The following WDPCP variants were observed in gnomAD, a reference collection of about 807,000 sequenced individuals.
The protein encoded by WDPCP is WD repeat-containing and planar cell polarity effector protein fritz homolog.
WDPCP carries 71 observed loss-of-function variants against 93.1 expected under a neutral mutation model. The ratio of observed to expected loss-of-function variants is 0.76; its 90% CI spans 0.63 to 0.93. The LOEUF (loss-of-function observed/expected upper bound fraction) is 0.93. Ranked by LOEUF, WDPCP falls within the 40% of genes least tolerant of loss-of-function variation. The probability of loss-of-function intolerance (pLI) is 0.00; values close to 1 mark genes in which losing one functional copy is unlikely to be tolerated. For missense variants in WDPCP, 844 were observed against 887.4 expected, an observed-to-expected ratio of 0.95 and a Z score of 0.62; for synonymous variants, 315 against 315.0, an observed-to-expected ratio of 1.00 and a Z score of 0.00.
chr2:63,448,735 T>C (rs760891291), intron 6 of WDPCP, among the ~76,000 whole-genome samples: 1 of 152,122 alleles, frequency 6.6e-6, no homozygotes, highest in Non-Finnish European at 1.5e-5. Flanking sequence ...CTGTGGGACA[T>C]TATGCTAAGG....
intron 13 of WDPCP, among the ~76,000 whole-genome samples, chr2:63,291,514 A>C (rs1380080772): frequency 6.6e-6 from 1 of 152,218 alleles, no homozygotes; most frequent in Non-Finnish European, 1.5e-5. Flanking sequence ...AGGGAAATGA[A>C]AAACAAAGAG....
chr2:63,262,006 A>G (rs1478741281), intron 13 of WDPCP, among the ~76,000 whole-genome samples: 1 of 152,208 alleles, frequency 6.6e-6, no homozygotes, highest in African/African-American at 2.4e-5. Flanking sequence ...GAATAGCATG[A>G]TACTTTCATA....
chr2:63,795,494 T>G (rs1337794400), intron 2 of WDPCP, among the ~76,000 whole-genome samples: 1 of 135,836 alleles, frequency 7.4e-6, no homozygotes, highest in East Asian at 2.1e-4. Flanking sequence ...AGTGAGACCC[T>G]GTCTCAAAAA....
intron 9 of WDPCP, among the ~76,000 whole-genome samples, chr2:63,422,718 C>T (rs1695959808): frequency 6.6e-6 from 1 of 152,140 alleles, no homozygotes. Flanking sequence ...TTATGTGCCT[C>T]CTGACGAAAG....
At chr2:63,400,974 T>C (rs1182369728) in intron 10 of WDPCP, among the ~76,000 whole-genome samples, 2 of 152,048 alleles carry the variant, frequency 1.3e-5, no homozygotes, top group East Asian at 3.8e-4. Flanking sequence ...CCCTTCCTTA[T>C]ACCTTACACA....
At chr2:63,811,692 GAA>G (rs1271203822) in intron 2 of WDPCP, among the ~76,000 whole-genome samples, 2 of 150,972 alleles carry the variant, frequency 1.3e-5, no homozygotes, top group Non-Finnish European at 2.9e-5. Context: ...TTTGGGGTAT[GAA>G]AGACCTTGTC....
At chr2:63,660,256 C>T (rs1259022165) in intron 2 of WDPCP, among the ~76,000 whole-genome samples, 2 of 151,960 alleles carry the variant, frequency 1.3e-5, no homozygotes, top group African/African-American at 4.8e-5. Flanking sequence ...GGTCAAAGTC[C>T]CTGGGATGCC....
chr2:63,478,529 C>A (rs1015570734), intron 6 of WDPCP, among the ~76,000 whole-genome samples: 2 of 152,066 alleles, frequency 1.3e-5, no homozygotes, highest in African/African-American at 4.8e-5. Context: ...AAAAGGAACC[C>A]TCAAAACCAT....
At chr2:63,570,658 CA>C (rs1707419590) in intron 1 of WDPCP, among the ~76,000 whole-genome samples, 2 of 152,156 alleles carry the variant, frequency 1.3e-5, no homozygotes. Context: ...GTAGGAAAAA[CA>C]GAATGCCAAG....
chr2:63,461,435 A>G (rs1699001106), intron 6 of WDPCP, among the ~76,000 whole-genome samples: 2 of 152,056 alleles, frequency 1.3e-5, no homozygotes, highest in Admixed American at 1.3e-4. Flanking sequence ...CATGATTGAA[A>G]GCTCCCTGAG....
intron 15 of WDPCP, among the ~76,000 whole-genome samples, chr2:63,171,502 A>ATAGT (rs1436367152): frequency 3.9e-5 from 6 of 152,320 alleles, no homozygotes; most frequent in African/African-American, 1.4e-4. Context: ...ACCCAACAGA[A>ATAGT]TAGTTATAAT....
intron 4 of WDPCP, among the ~76,000 whole-genome samples, chr2:63,485,490 CTA>C (rs952867043): frequency 6.6e-6 from 1 of 151,544 alleles, no homozygotes; most frequent in African/African-American, 2.4e-5. Context: ...CATTTTAAAA[CTA>C]TGGAAAAATC....
At chr2:63,269,687 G>C (rs1682462848) in intron 13 of WDPCP, among the ~76,000 whole-genome samples, 1 of 152,086 alleles carries the variant, frequency 6.6e-6, no homozygotes, top group African/African-American at 2.4e-5. Flanking sequence ...AGGATTGATA[G>C]GTTTCTATGA....
At chr2:63,820,589 A>G (rs1671003903) in intron 1 of WDPCP, among the ~76,000 whole-genome samples, 1 of 152,220 alleles carries the variant, frequency 6.6e-6, no homozygotes, top group Non-Finnish European at 1.5e-5. Flanking sequence ...GTTGCTAAGC[A>G]AAGTTCAGTC....
chr2:63,807,083 T>C (rs1180216557), intron 2 of WDPCP, among the ~76,000 whole-genome samples: 1 of 152,244 alleles, frequency 6.6e-6, no homozygotes, highest in Non-Finnish European at 1.5e-5. Context: ...GTTTAGAGAT[T>C]GCAGTAAAGA....
chr2:63,788,250 A>G (rs1670497412), intron 2 of WDPCP, among the ~76,000 whole-genome samples: 1 of 152,172 alleles, frequency 6.6e-6, no homozygotes, highest in Admixed American at 6.5e-5. Flanking sequence ...GTTCCAGTAC[A>G]GTCAAGTACC....
intron 17 of WDPCP, among the ~76,000 whole-genome samples, chr2:63,135,452 C>T (rs1670551045): frequency 6.6e-6 from 1 of 152,160 alleles, no homozygotes; most frequent in Non-Finnish European, 1.5e-5. Flanking sequence ...CTGCCTCAGC[C>T]TTCCGAGGAG....
At chr2:63,532,911 T>G (rs1346058711) in intron 1 of WDPCP, among the ~76,000 whole-genome samples, 1 of 152,142 alleles carries the variant, frequency 6.6e-6, no homozygotes, top group Admixed American at 6.6e-5. Flanking sequence ...AGACACAGAC[T>G]GGCAAATTGG....
intron 2 of WDPCP, among the ~76,000 whole-genome samples, chr2:63,703,874 TATAAATTA>T (rs1464721423): frequency 7.9e-5 from 12 of 152,230 alleles, no homozygotes; most frequent in African/African-American, 2.9e-4. Context: ...GCATTGAATC[TATAAATTA>T]CCTTGGGCAG....
Sources: allele counts gnomAD v4.1 joint callset (sites outside exome capture counted in the v4.1 genomes callset), GRCh38; gene constraint gnomAD v4.1.1; transcripts MANE v1.5; gene names NCBI Gene and HGNC (gene_info 2026-07-23, HGNC 2026-07-21).